ABCA9: variants seen among roughly 807,000 people sequenced by gnomAD.
ABCA9 encodes ATP binding cassette subfamily A member 9, also known as ATP-binding cassette sub-family A member 9.
Under a neutral mutation model 205.3 loss-of-function variants are expected in ABCA9, and 183 were observed. That is an observed-to-expected ratio of 0.89 (90% CI 0.79 to 1.01). ABCA9 has a LOEUF of 1.01. Among genes scored for constraint, ABCA9 ranks in the 50% least tolerant of loss-of-function variants. The pLI, the probability that ABCA9 is intolerant of heterozygous loss-of-function variation, is 0.00. For synonymous variants in ABCA9, 651 were observed against 683.3 expected (o/e 0.95, Z 0.74); for missense variants, 1,805 against 1,912.4 (o/e 0.94, Z 1.05).
chr17:68,988,336 A>C (rs1031058349), intron 31 of ABCA9, among the ~76,000 whole-genome samples: 3 of 152,146 alleles, frequency 2.0e-5, no homozygotes, highest in African/African-American at 7.2e-5. Flanking sequence ...AATTTAGATA[A>C]TTATCCATTT....
chr17:69,042,998 T>C (rs1268100204), intron 6 of ABCA9: 1 of 159,052 alleles, frequency 6.3e-6, no homozygotes, highest in Non-Finnish European at 1.4e-5. Context: ...GAAATAATTA[T>C]ACAACTTACC....
At chr17:69,009,948 T>TA (rs1241681051) in intron 23 of ABCA9, among the ~76,000 whole-genome samples, 2 of 152,112 alleles carry the variant, frequency 1.3e-5, no homozygotes, top group Non-Finnish European at 2.9e-5. Context: ...ATACTTATAC[T>TA]AAAAAAATTC....
chr17:69,056,583 A>G (rs2072075950), intron 1 of ABCA9, among the ~76,000 whole-genome samples: 1 of 152,216 alleles, frequency 6.6e-6, no homozygotes, highest in Non-Finnish European at 1.5e-5. Flanking sequence ...GGGAAATTCT[A>G]TCAGACTGTT....
Position 68,975,991 on chromosome 17 carries a change from T to A in ABCA9, c.4799A>T (p.Glu1600Val), listed in dbSNP as rs1276422581. The change falls in exon 39 of 39, where the codon GAG becomes GTG. Residue 1600 changes from glutamate to valine, a missense_variant. By Grantham distance (121) the Glu-to-Val change is moderately radical. Transcript: ENST00000340001. ...LEQVFLELSK[E>V]QELGDLEEDF... is the part of the protein sequence containing the mutation. ...CTCTTCAAGATCACCCAGCTCCTGC[T>A]CCTTGGAGAGCTCCAGGAAAACCTA... The A allele has an allele frequency of 6.2e-7, 1 of 1,613,662 alleles. No homozygotes were observed. The highest frequency in any genetic ancestry group is 8.5e-7 in the Non-Finnish European group (1 of 1,179,902).
chr17:69,039,504 T>A (rs1228004379), intron 6 of ABCA9, among the ~76,000 whole-genome samples: 1 of 152,112 alleles, frequency 6.6e-6, no homozygotes, highest in Admixed American at 6.6e-5. Context: ...GCTAGCCAAA[T>A]GCAGAAAACA....
chr17:68,993,213 T>C (rs1293236093), intron 26 of ABCA9, 129 bp from the exon 27 acceptor site: 4 of 719,864 alleles, frequency 5.6e-6, no homozygotes, highest in Non-Finnish European at 9.3e-6. Flanking sequence ...CCCTTGGGTA[T>C]CATGTAAAAG....
rs760646937 is a variant in ABCA9, at chr17:68,986,308, C to T, written c.4064G>A (p.Ser1355Asn). Residue 1355 changes from serine to asparagine, a missense_variant, in exon 32 of 39, where the codon AGC becomes AAC. Ser to Asn is a conservative substitution (Grantham distance 46, BLOSUM62 1). Coordinates refer to ENST00000340001, the MANE Select transcript of ABCA9 (RefSeq NM_080283.4). Reference protein sequence around the residue: ...PTAGQVILKGSGGGEPLGFLG... With the variant: ...PTAGQVILKGNGGGEPLGFLG... Reference sequence around the variant, plus strand: ...GAAGCCCAGGGGTTCCCCTCCACCGCTCCCTTTCAAAATCACCTATGCAAA... The same window carrying T: ...GAAGCCCAGGGGTTCCCCTCCACCGTTCCCTTTCAAAATCACCTATGCAAA... 1.2e-6 allele frequency: 2 copies of T among 1,608,894 alleles called. No homozygotes were observed. The highest frequency in any genetic ancestry group is 2.2e-5 in the South Asian group (2 of 90,220).
chr17:69,043,589 A>T lies in ABCA9; in HGVS notation c.700T>A (p.Phe234Ile). The T allele has an allele frequency of 6.2e-7, 1 of 1,613,122 alleles. No individual in the cohort carries two copies. Among genetic ancestry groups the T allele is most frequent in the Non-Finnish European group, 8.5e-7 (1 of 1,179,424 alleles). ...GATACATAGTATATAAATGTAGAAA[A>T]AGAAATAATGCAAAAGAAAATGAAA... ...DFFIFFCIIS[F>I]STFIYYVSVN... Residue 234 changes from phenylalanine (F) to isoleucine (I), a missense_variant, in exon 6 of 39, where the codon TTT (phenylalanine) becomes ATT (isoleucine). Coordinates refer to ENST00000340001, the MANE Select transcript of ABCA9 (RefSeq NM_080283.4).
At chr17:68,983,642 C>A (rs888987330) in intron 36 of ABCA9, 67 bp downstream of exon 36, 7 of 1,577,764 alleles carry the variant, frequency 4.4e-6, no homozygotes, top group Non-Finnish European at 6.0e-6. Context: ...GCTCTTATTC[C>A]GTCATCATAG....
At chr17:68,979,999 C>T (rs2068998155) in intron 37 of ABCA9, among the ~76,000 whole-genome samples, 1 of 152,084 alleles carries the variant, frequency 6.6e-6, no homozygotes, top group Non-Finnish European at 1.5e-5. Flanking sequence ...GAACAGGCAA[C>T]CTACAGAATG....
intron 1 of ABCA9, among the ~76,000 whole-genome samples, chr17:69,058,708 G>A (rs906845207): frequency 2.0e-5 from 3 of 151,902 alleles, no homozygotes; most frequent in Admixed American, 6.6e-5. Context: ...GTGTGGTGGC[G>A]AGTGCCCGTA....
At chr17:69,066,977 C>T in the ABCA9 span, among the ~76,000 whole-genome samples, 1 of 152,086 alleles carries the variant, frequency 6.6e-6, no homozygotes, top group Non-Finnish European at 1.5e-5. Context: ...ATTGATGGAT[C>T]AGGAAAGGCA....
intron 2 of ABCA9, among the ~76,000 whole-genome samples, chr17:69,050,465 T>G (rs1488114858): frequency 1.3e-5 from 2 of 152,130 alleles, no homozygotes; most frequent in Non-Finnish European, 2.9e-5. Context: ...CTAAATTTTT[T>G]GCACAAAGCA....
Position 68,976,191 on chromosome 17 carries a change from C to G in ABCA9, c.4721-1G>C. 1 of 1,613,676 alleles carries G rather than the reference C, an allele frequency of 6.2e-7. No homozygotes were observed. Among genetic ancestry groups the G allele is most frequent in the Non-Finnish European group, 8.5e-7 (1 of 1,179,768 alleles). ...TCCTCCAGGTCGAAACTCTGTTTAACTGCATAAGAATGAGCATACATTAGG... is the reference window on the plus strand; with the variant it reads ...TCCTCCAGGTCGAAACTCTGTTTAAGTGCATAAGAATGAGCATACATTAGG... On this transcript the variant is annotated splice_acceptor_variant, in intron 37 of 38. Coordinates refer to ENST00000340001, the MANE Select transcript of ABCA9 (RefSeq NM_080283.4). LOFTEE classifies it high-confidence loss of function.
chr17:69,001,327 A>G (rs1371304739), intron 25 of ABCA9, among the ~76,000 whole-genome samples: 2 of 152,096 alleles, frequency 1.3e-5, no homozygotes, highest in East Asian at 1.9e-4. Flanking sequence ...TTAGCATGCA[A>G]GGTTGTTGAA....
chr17:69,011,899 T>A, intron 23 of ABCA9, 77 bp downstream of exon 23: 3 of 886,432 alleles, frequency 3.4e-6, no homozygotes, highest in Non-Finnish European at 5.0e-6. Context: ...ACCACTTGCA[T>A]GTAAATTTAT....
chr17:69,062,907 T>C (rs2072292375), upstream of ABCA9, among the ~76,000 whole-genome samples: 1 of 117,020 alleles, frequency 8.5e-6, no homozygotes, highest in Non-Finnish European at 2.2e-5. Context: ...TTTTATACCA[T>C]AATGTACACT....
At chr17:69,077,282 G>C in the ABCA9 span, among the ~76,000 whole-genome samples, 1 of 151,988 alleles carries the variant, frequency 6.6e-6, no homozygotes, top group Non-Finnish European at 1.5e-5. Context: ...AGTCATTCAG[G>C]AGAAAGTTTT....
chr17:68,988,886 G>C, intron 31 of ABCA9, 141 bp downstream of exon 31: 1 of 542,966 alleles, frequency 1.8e-6, no homozygotes, highest in South Asian at 3.4e-5. Flanking sequence ...TTGGAATTAA[G>C]TATATAAATT....
Sources: allele counts gnomAD v4.1 joint callset (sites outside exome capture counted in the v4.1 genomes callset), GRCh38; gene constraint gnomAD v4.1.1; transcripts MANE v1.5; gene names NCBI Gene and HGNC (gene_info 2026-07-23, HGNC 2026-07-21).